Variants in UVRAG observed in about 807,000 individuals in gnomAD.
UVRAG encodes the protein UV radiation resistance-associated gene protein.
UVRAG carries 19 observed loss-of-function variants against 78.0 expected under a neutral mutation model. The ratio of observed to expected loss-of-function variants is 0.24; its 90% CI spans 0.17 to 0.36. The LOEUF is 0.36. UVRAG is among the 10% of genes least tolerant of loss of function. The pLI is 1.00. For synonymous variants in UVRAG, 323 were observed against 324.6 expected, an observed-to-expected ratio of 1.00 and a Z score of 0.05; for missense variants, 740 against 853.8, an observed-to-expected ratio of 0.87 and a Z score of 1.66.
chr11:76,024,656 TG>T (rs1950299111), intron 12 of UVRAG, among the ~76,000 whole-genome samples: 1 of 152,158 alleles, frequency 6.6e-6, no homozygotes, highest in Non-Finnish European at 1.5e-5. Flanking sequence ...AACTCTTAAG[TG>T]TTTTAGCTGG....
At chr11:75,903,036 A>AC (rs1382027847) in intron 5 of UVRAG, among the ~76,000 whole-genome samples, 33 of 152,192 alleles carry the variant, frequency 2.2e-4, no homozygotes, top group African/African-American at 7.7e-4. Context: ...GTTGTATAGT[A>AC]CTTTGGGTTC....
chr11:75,824,690 T>C (rs1289203154), intron 1 of UVRAG, among the ~76,000 whole-genome samples: 1 of 147,326 alleles, frequency 6.8e-6, no homozygotes, highest in African/African-American at 2.6e-5. Flanking sequence ...TTTTTTTTTT[T>C]TGAGGCGGAG....
intron 3 of UVRAG, among the ~76,000 whole-genome samples, chr11:75,875,970 T>G (rs182438527): frequency 8.5e-5 from 13 of 152,138 alleles, no homozygotes; most frequent in Admixed American, 2.6e-4. Flanking sequence ...GCCCATGACT[T>G]AGAGACCAGT....
At chr11:75,937,464 A>G (rs1456191340) in intron 6 of UVRAG, among the ~76,000 whole-genome samples, 2 of 152,178 alleles carry the variant, frequency 1.3e-5, no homozygotes, top group South Asian at 2.1e-4. Context: ...CTCTTTCAGT[A>G]TGTCTGAAAA....
At chr11:75,895,807 A>G (rs1472294311) in intron 5 of UVRAG, among the ~76,000 whole-genome samples, 2 of 152,170 alleles carry the variant, frequency 1.3e-5, no homozygotes, top group African/African-American at 2.4e-5. Flanking sequence ...TTTAATAGCA[A>G]TTCAGACAAA....
chr11:76,026,182 A>T (rs939023935), intron 12 of UVRAG, among the ~76,000 whole-genome samples: 5 of 152,174 alleles, frequency 3.3e-5, no homozygotes, highest in African/African-American at 9.6e-5. Flanking sequence ...AGTTTTCTGT[A>T]GAAATAGTGA....
At chr11:75,995,752 T>C (rs1949695117) in intron 8 of UVRAG, among the ~76,000 whole-genome samples, 1 of 152,118 alleles carries the variant, frequency 6.6e-6, no homozygotes, top group Non-Finnish European at 1.5e-5. Context: ...CAGTTACTTA[T>C]GAAAAGTTAC....
intron 13 of UVRAG, among the ~76,000 whole-genome samples, chr11:76,077,552 G>C (rs1048306864): frequency 8.5e-5 from 13 of 152,054 alleles, no homozygotes; most frequent in African/African-American, 3.1e-4. Context: ...TACATATATA[G>C]CTTATTTTAG....
chr11:75,916,722 A>G (rs1947864678), intron 6 of UVRAG: 1 of 152,268 alleles, frequency 6.6e-6, no homozygotes, highest in African/African-American at 2.4e-5. Context: ...TTCACAGGCT[A>G]GAGTGTTTCA....
chr11:75,944,959 C>T (rs1948560873), intron 6 of UVRAG, among the ~76,000 whole-genome samples: 1 of 152,114 alleles, frequency 6.6e-6, no homozygotes, highest in African/African-American at 2.4e-5. Flanking sequence ...TGAGATATTA[C>T]TGCCAGAAAA....
At chr11:75,935,554 G>A (rs1948354030) in intron 6 of UVRAG, among the ~76,000 whole-genome samples, 1 of 152,074 alleles carries the variant, frequency 6.6e-6, no homozygotes, top group African/African-American at 2.4e-5. Flanking sequence ...CTGCCACTGG[G>A]GATAAAGGGA....
At chr11:75,864,212 T>C (rs1404408499) in intron 3 of UVRAG, among the ~76,000 whole-genome samples, 2 of 152,040 alleles carry the variant, frequency 1.3e-5, no homozygotes, top group Non-Finnish European at 2.9e-5. Flanking sequence ...TGAACCACCA[T>C]GCCTGACTAA....
intron 13 of UVRAG, among the ~76,000 whole-genome samples, chr11:76,076,397 G>A (rs1248795414): frequency 6.6e-6 from 1 of 152,196 alleles, no homozygotes; most frequent in Non-Finnish European, 1.5e-5. Flanking sequence ...GCAAGAGGGC[G>A]TGTGCAGGGG....
intron 12 of UVRAG, among the ~76,000 whole-genome samples, chr11:76,037,476 G>C (rs1362311288): frequency 6.7e-6 from 1 of 150,160 alleles, no homozygotes; most frequent in Non-Finnish European, 1.5e-5. Context: ...GTTGCAGCGG[G>C]CAGATTGCTT....
In UVRAG at chr11:75,826,693, CTT is replaced by C. The variant is rs11289695; in HGVS notation, c.117+11187_117+11188del. On this transcript the variant is annotated intron_variant, in intron 1 of 14. Coordinates refer to ENST00000356136, the MANE Select transcript of UVRAG (RefSeq NM_003369.4). ...GTCCCTGGGTACTTACCATGCCTAT[CTT>C]TTTTTTTTTTTTTTTTTAAATGTTC... Among the ~76,000 whole-genome samples, 648 of 133,152 alleles carry C rather than the reference CTT, an allele frequency of 4.9e-3. 3 individuals carry two copies. Among genetic ancestry groups the C allele is most frequent in the African/African-American group, 0.016 (588 of 36,686 alleles). The allele number at this position is 133,152 out of a possible 152,430, so 87.4% of individuals were successfully genotyped here. A position where few individuals can be genotyped will look rare whatever the true frequency, so the allele number is the denominator to read the frequency against.
At chr11:76,004,178 A>G in intron 9 of UVRAG, 89 bp downstream of exon 9, 1 of 1,288,970 alleles carries the variant, frequency 7.8e-7, no homozygotes, top group South Asian at 1.2e-5. Flanking sequence ...AGCTGCTGGT[A>G]TTAATTTATA....
At chr11:76,050,874 G>A (rs372817205) in intron 12 of UVRAG, among the ~76,000 whole-genome samples, 3 of 152,116 alleles carry the variant, frequency 2.0e-5, no homozygotes, top group African/African-American at 7.2e-5. Flanking sequence ...GCATGTTCTA[G>A]TTCATACCAC....
At chr11:76,044,763 G>GT (rs1950714661) in intron 12 of UVRAG, among the ~76,000 whole-genome samples, 1 of 151,890 alleles carries the variant, frequency 6.6e-6, no homozygotes. Context: ...TACGGAGCGA[G>GT]ACTCCATCTC....
chr11:75,921,444 A>G (rs778362921), intron 6 of UVRAG, among the ~76,000 whole-genome samples: 1 of 152,326 alleles, frequency 6.6e-6, no homozygotes, highest in East Asian at 1.9e-4. Context: ...CATTTTTCTC[A>G]TAAGTTCCTA....
Sources: gnomAD v4.1 joint callset for allele counts (sites outside exome capture counted in the v4.1 genomes callset) on GRCh38, gnomAD v4.1.1 for gene constraint, MANE v1.5 for transcripts, NCBI Gene and HGNC (gene_info 2026-07-23, HGNC 2026-07-21) for gene names.